Variants in SLC25A48 observed in about 807,000 individuals in gnomAD.
The protein encoded by SLC25A48 is solute carrier family 25 member 48, also known as CTC-321K16.1.
Under a neutral mutation model 32.2 loss-of-function variants are expected in SLC25A48, and 29 were observed. That is an observed-to-expected ratio of 0.90 (90% CI 0.67 to 1.23). The LOEUF is 1.23. SLC25A48 is among the 50% of genes most tolerant of loss of function. The pLI, the probability that SLC25A48 is intolerant of heterozygous loss-of-function variation, is 0.00. For synonymous variants in SLC25A48, 164 were observed against 172.3 expected (o/e 0.95, Z 0.38); for missense variants, 399 against 422.7 (o/e 0.94, Z 0.49).
intron 4 of SLC25A48, among the ~76,000 whole-genome samples, chr5:135,862,687 G>A (rs185982414): frequency 3.8e-4 from 58 of 152,282 alleles, no homozygotes; most frequent in African/African-American, 1.2e-3. Context: ...TTAGTTCTAC[G>A]TAGCATTTAG....
chr5:135,811,598 T>A (rs1364543091), intron 3 of SLC25A48, among the ~76,000 whole-genome samples: 58 of 152,332 alleles, frequency 3.8e-4, no homozygotes, highest in Non-Finnish European at 4.4e-5. Context: ...ATACAAATGT[T>A]AATTAGTTCA....
chr5:135,740,469 T>C (rs1478188193), intron 3 of SLC25A48, among the ~76,000 whole-genome samples: 2 of 152,076 alleles, frequency 1.3e-5, no homozygotes, highest in African/African-American at 4.8e-5. Flanking sequence ...CATGGCAACA[T>C]ATTCAAGCTT....
intron 3 of SLC25A48, among the ~76,000 whole-genome samples, chr5:135,674,189 T>C (rs1753717808): frequency 6.6e-6 from 1 of 152,062 alleles, no homozygotes; most frequent in Non-Finnish European, 1.5e-5. Context: ...ACATGTGATA[T>C]TGTGTTACGT....
chr5:135,817,070 C>G (rs753980056), intron 4 of SLC25A48, among the ~76,000 whole-genome samples: 3 of 152,308 alleles, frequency 2.0e-5, no homozygotes, highest in Non-Finnish European at 4.4e-5. Flanking sequence ...GCAGACTATC[C>G]TAGCTATCAA....
chr5:135,701,890 C>T (rs1754403680), intron 3 of SLC25A48, among the ~76,000 whole-genome samples: 1 of 152,252 alleles, frequency 6.6e-6, no homozygotes, highest in Non-Finnish European at 1.5e-5. Flanking sequence ...AAAAATTAAT[C>T]TGACCATGTC....
chr5:135,612,409 C>G (rs906317081), intron 1 of SLC25A48, among the ~76,000 whole-genome samples: 1 of 152,132 alleles, frequency 6.6e-6, no homozygotes, highest in Non-Finnish European at 1.5e-5. Flanking sequence ...GTTCTCTTTT[C>G]CAGTTACTTT....
intron 3 of SLC25A48, among the ~76,000 whole-genome samples, chr5:135,766,272 A>G (rs1756223975): frequency 6.6e-6 from 1 of 151,472 alleles, no homozygotes; most frequent in Non-Finnish European, 1.5e-5. Context: ...GGTTTGTAAT[A>G]TCTGGGGAGT....
Position 135,769,829 on chromosome 5 carries a change from A to C in SLC25A48, c.-520-42694A>C, listed in dbSNP as rs147298958. Among the ~76,000 whole-genome samples the C allele has an allele frequency of 2.8e-3, 421 of 150,850 alleles. 2 individuals carry two copies. Among genetic ancestry groups the C allele is most frequent in the African/African-American group, 9.9e-3 (406 of 41,010 alleles). On this transcript the variant is annotated intron_variant, in intron 3 of 10. Coordinates refer to the SLC25A48 transcript ENST00000646290. ...ACTCCCAACATCGCAGGGAGTTTAC[A>C]CCCCCTGTGATATTGTTCGTAATAT...
At chr5:135,701,226 A>G (rs1313609244) in intron 3 of SLC25A48, among the ~76,000 whole-genome samples, 1 of 152,096 alleles carries the variant, frequency 6.6e-6, no homozygotes, top group Non-Finnish European at 1.5e-5. Flanking sequence ...CAGGCTGTGT[A>G]CCACCCTGCT....
At chr5:135,591,250 C>A (rs1751520391) in intron 1 of SLC25A48, among the ~76,000 whole-genome samples, 1 of 152,222 alleles carries the variant, frequency 6.6e-6, no homozygotes, top group Non-Finnish European at 1.5e-5. Context: ...GCATTCTGAT[C>A]CCCTTTTAGG....
At chr5:135,605,968 C>T (rs1751924267) in intron 1 of SLC25A48, among the ~76,000 whole-genome samples, 1 of 152,168 alleles carries the variant, frequency 6.6e-6, no homozygotes, top group Non-Finnish European at 1.5e-5. Flanking sequence ...CATATTTGAA[C>T]ACCCCAAATG....
At chr5:135,862,039 C>A (rs1383062136) in intron 4 of SLC25A48, among the ~76,000 whole-genome samples, 1 of 152,254 alleles carries the variant, frequency 6.6e-6, no homozygotes, top group Admixed American at 6.5e-5. Flanking sequence ...AAAAACCCTT[C>A]CTTTTAAAAT....
chr5:135,812,577 T>A (rs1461112165), exon 4 of SLC25A48: 1 of 152,272 alleles, frequency 6.6e-6, no homozygotes, highest in African/African-American at 2.4e-5. Flanking sequence ...ACCTGTGATG[T>A]CTTCCTAGGA....
intron 3 of SLC25A48, among the ~76,000 whole-genome samples, chr5:135,746,817 C>G (rs577076676): frequency 6.6e-6 from 1 of 152,100 alleles, no homozygotes; most frequent in African/African-American, 2.4e-5. Flanking sequence ...CCTGGAGTTA[C>G]GTCTCTTTGG....
At chr5:135,759,186 A>G (rs531091738) in intron 3 of SLC25A48, among the ~76,000 whole-genome samples, 1 of 152,260 alleles carries the variant, frequency 6.6e-6, no homozygotes, top group African/African-American at 2.4e-5. Flanking sequence ...GTGTTAACAT[A>G]CTATGATATG....
chr5:135,810,361 C>T (rs571088278), intron 3 of SLC25A48, among the ~76,000 whole-genome samples: 2 of 152,282 alleles, frequency 1.3e-5, no homozygotes, highest in African/African-American at 4.8e-5. Flanking sequence ...CATTCACTTG[C>T]CAATTACTGT....
intron 3 of SLC25A48, chr5:135,742,533 A>G: frequency 6.7e-7 from 1 of 1,489,228 alleles, no homozygotes; most frequent in African/African-American, 1.4e-5. Flanking sequence ...CCTTTCCCAA[A>G]CAATACCAAG....
intron 3 of SLC25A48, among the ~76,000 whole-genome samples, chr5:135,636,588 A>T (rs1362441914): frequency 6.6e-6 from 1 of 152,206 alleles, no homozygotes; most frequent in Non-Finnish European, 1.5e-5. Context: ...CTTCTGTCAC[A>T]CATATGGCTG....
At chr5:135,880,142 G>A in intron 7 of SLC25A48, 45 bp downstream of exon 7, 1 of 1,490,742 alleles carries the variant, frequency 6.7e-7, no homozygotes, top group Non-Finnish European at 8.9e-7. Flanking sequence ...CCAGGAACTT[G>A]AAACTTTTTT....
Sources: allele counts gnomAD v4.1 joint callset (sites outside exome capture counted in the v4.1 genomes callset), GRCh38; gene constraint gnomAD v4.1.1; transcripts MANE v1.5; gene names NCBI Gene and HGNC (gene_info 2026-07-23, HGNC 2026-07-21).